The following FSTL4 variants were observed in gnomAD, a reference collection of about 807,000 sequenced individuals.
FSTL4 encodes the protein follistatin-related protein 4.
FSTL4 carries 28 observed loss-of-function variants against 78.2 expected under a neutral mutation model. The observed-to-expected ratio is 0.36, with a 90% CI of 0.27 to 0.49. FSTL4 has a LOEUF of 0.49. Among genes scored for constraint, FSTL4 ranks in the 20% least tolerant of loss-of-function variants. The pLI, the probability that FSTL4 is intolerant of heterozygous loss-of-function variation, is 0.98. For synonymous variants in FSTL4, 422 were observed against 440.5 expected (o/e 0.96, Z 0.53); for missense variants, 922 against 1,084.9 (o/e 0.85, Z 2.11).
At chr5:133,657,237 T>C in the FSTL4 span, among the ~76,000 whole-genome samples, 25 of 152,152 alleles carry the variant, frequency 1.6e-4, no homozygotes, top group Admixed American at 1.2e-3. Flanking sequence ...CACAGGGCAG[T>C]CTGTAGCACG....
At chr5:133,209,830 A>T (rs1750645782) in intron 14 of FSTL4, 1 of 203,280 alleles carries the variant, frequency 4.9e-6, no homozygotes, top group African/African-American at 2.3e-5. Context: ...TCATTGGCTA[A>T]CATCTGCTGC....
intron 6 of FSTL4, among the ~76,000 whole-genome samples, chr5:133,263,365 G>A (rs543770892): frequency 5.4e-4 from 82 of 152,186 alleles, no homozygotes; most frequent in Non-Finnish European, 1.0e-3. Context: ...AGAGTGTGGA[G>A]TGAGGAAAGA....
At chr5:133,249,681 G>A (rs1752157696) in intron 6 of FSTL4, 105 bp from the exon 7 acceptor site, 1 of 798,534 alleles carries the variant, frequency 1.3e-6, no homozygotes, top group African/African-American at 1.7e-5. Context: ...GGCCCAGAAG[G>A]GCTTCACGAC....
chr5:133,569,230 C>T (rs1228958753), intron 2 of FSTL4, among the ~76,000 whole-genome samples: 1 of 152,172 alleles, frequency 6.6e-6, no homozygotes, highest in Non-Finnish European at 1.5e-5. Context: ...CTTATCTCTT[C>T]TTTCCAATTC....
At chr5:133,385,849 C>A (rs192770904) in intron 4 of FSTL4, among the ~76,000 whole-genome samples, 2 of 152,182 alleles carry the variant, frequency 1.3e-5, no homozygotes, top group African/African-American at 2.4e-5. Context: ...GTCAGCTACA[C>A]GTGCAGAAAG....
At chr5:133,336,274 A>C (rs1754460501) in intron 4 of FSTL4, among the ~76,000 whole-genome samples, 1 of 152,166 alleles carries the variant, frequency 6.6e-6, no homozygotes, top group East Asian at 1.9e-4. Context: ...AGCCCTGAAC[A>C]GTCCTCATCA....
chr5:133,470,090 T>C (rs1757790651), intron 3 of FSTL4, among the ~76,000 whole-genome samples: 2 of 152,294 alleles, frequency 1.3e-5, no homozygotes, highest in South Asian at 4.1e-4. Context: ...GCTCCCAGCC[T>C]GCTCATCCTA....
intron 3 of FSTL4, among the ~76,000 whole-genome samples, chr5:133,465,235 C>A (rs541123879): frequency 3.0e-4 from 46 of 152,212 alleles, no homozygotes; most frequent in Non-Finnish European, 6.0e-4. Context: ...GGTGTTCCCT[C>A]CATTGGGAGC....
At chr5:133,301,356 C>T (rs1414072555) in intron 6 of FSTL4, among the ~76,000 whole-genome samples, 3 of 152,162 alleles carry the variant, frequency 2.0e-5, no homozygotes, top group African/African-American at 7.2e-5. Flanking sequence ...AGAGGTTCTG[C>T]CTGCCAGATG....
intron 4 of FSTL4, among the ~76,000 whole-genome samples, chr5:133,363,312 T>C (rs555439257): frequency 3.9e-5 from 6 of 152,260 alleles, no homozygotes. Flanking sequence ...CAGGAGGCCC[T>C]CAGCTCTAGT....
At chr5:133,610,261 G>A (rs908286683) in intron 1 of FSTL4, among the ~76,000 whole-genome samples, 1 of 152,018 alleles carries the variant, frequency 6.6e-6, no homozygotes, top group Admixed American at 6.6e-5. Context: ...AAAACAAGCT[G>A]GCCTTTTCCA....
chr5:133,654,139 AGGTGAGGCTG>A, the FSTL4 span, among the ~76,000 whole-genome samples: 2 of 152,194 alleles, frequency 1.3e-5, no homozygotes, highest in African/African-American at 4.8e-5. Context: ...CTTCTCTCAC[AGGTGAGGCTG>A]TCTGCAACCA....
the FSTL4 span, among the ~76,000 whole-genome samples, chr5:133,793,780 T>C: frequency 6.6e-6 from 1 of 152,240 alleles, no homozygotes; most frequent in African/African-American, 2.4e-5. Context: ...CCGGGTTTGT[T>C]TCTCCCTCTC....
At chr5:133,450,315 ACC>A (rs757158517) in intron 3 of FSTL4, among the ~76,000 whole-genome samples, 3 of 152,212 alleles carry the variant, frequency 2.0e-5, no homozygotes, top group Non-Finnish European at 4.4e-5. Context: ...AGAGGAGGTC[ACC>A]TGAGGGTGAA....
the FSTL4 span, among the ~76,000 whole-genome samples, chr5:133,757,334 A>G: frequency 4.6e-5 from 7 of 152,114 alleles, no homozygotes; most frequent in African/African-American, 1.7e-4. Context: ...TTTTTTCCAT[A>G]CTAAGTCTTC....
chr5:133,448,156 T>C (rs918205831), intron 3 of FSTL4, among the ~76,000 whole-genome samples: 3 of 152,254 alleles, frequency 2.0e-5, no homozygotes, highest in Non-Finnish European at 4.4e-5. Context: ...AGGAGGAAGA[T>C]AACATTCCGT....
chr5:133,683,983 C>A, the FSTL4 span, among the ~76,000 whole-genome samples: 16 of 152,168 alleles, frequency 1.1e-4, no homozygotes, highest in Non-Finnish European at 2.4e-4. Context: ...GCAGTGATTG[C>A]CTCTTGATTT....
At chr5:133,271,224 G>A (rs1441557800) in intron 6 of FSTL4, among the ~76,000 whole-genome samples, 1 of 152,222 alleles carries the variant, frequency 6.6e-6, no homozygotes, top group African/African-American at 2.4e-5. Context: ...TTAAGCCATT[G>A]AGACAATTGT....
At chr5:133,620,147 C>G in the FSTL4 span, among the ~76,000 whole-genome samples, 1 of 152,164 alleles carries the variant, frequency 6.6e-6, no homozygotes, top group African/African-American at 2.4e-5. Flanking sequence ...GACAGTGCCT[C>G]AAGTGTAGGC....
Sources: allele counts gnomAD v4.1 joint callset (sites outside exome capture counted in the v4.1 genomes callset), GRCh38; gene constraint gnomAD v4.1.1; transcripts MANE v1.5; gene names NCBI Gene and HGNC (gene_info 2026-07-23, HGNC 2026-07-21).